The following RAB11FIP3 variants were observed in gnomAD, a reference collection of about 807,000 sequenced individuals.
RAB11FIP3 encodes the protein rab11 family-interacting protein 3.
A neutral mutation model predicts 77.8 loss-of-function variants in RAB11FIP3; 17 were observed. The ratio of observed to expected loss-of-function variants is 0.22; its 90% confidence interval spans 0.15 to 0.33. The LOEUF (loss-of-function observed/expected upper bound fraction) is 0.33. Ranked by LOEUF, RAB11FIP3 falls within the 10% of genes least tolerant of loss-of-function variation. The probability of loss-of-function intolerance (pLI) is 1.00; values close to 1 mark genes in which losing one functional copy is unlikely to be tolerated. For missense variants in RAB11FIP3, 1,005 were observed against 1,011.2 expected (o/e 0.99, Z 0.08); for synonymous variants, 437 against 448.2 (o/e 0.98, Z 0.31).
rs567049502 is a variant in RAB11FIP3, at chr16:436,465, C to T, written c.714+9745C>T. Among the ~76,000 whole-genome samples, 32 of 151,984 alleles carry T rather than the reference C, an allele frequency of 2.1e-4. 1 individual carries two copies. The Middle Eastern group carries it at 0.014, about 65-fold the overall frequency. On this transcript the variant is annotated intron_variant, in intron 1 of 13. Coordinates refer to ENST00000262305, the MANE Select transcript of RAB11FIP3 (RefSeq NM_014700.4). ...ATGCCCCCACACCCAGCCAATGTTT[C>T]ATTTATTTATTTATTTATTTGTTTA...
Position 520,929 on chromosome 16 carries a change from C to G in RAB11FIP3, c.*90C>G. The G allele has an allele frequency of 9.4e-7, 1 of 1,069,012 alleles. No homozygotes were observed. The highest frequency in any genetic ancestry group is 1.4e-6 in the Non-Finnish European group (1 of 694,814). 66.2% of individuals were successfully genotyped at this position (1,069,012 alleles called of 1,614,324 possible). On this transcript the variant is annotated 3_prime_UTR_variant, in exon 14 of 14. Transcript: ENST00000262305. The stretch of plus-strand genomic sequence containing the variant: ...CATGAGGAGCCAAGACCAGCAGGTC[C>G]CACAGCCGACAGTGCCCAGAGCATG...
chr16:499,740 G>T (rs1386350637), intron 6 of RAB11FIP3, among the ~76,000 whole-genome samples: 2 of 147,494 alleles, frequency 1.4e-5, no homozygotes, highest in Non-Finnish European at 3.0e-5. Context: ...AGAGGTTACA[G>T]TGAGCCCAGA....
intron 3 of RAB11FIP3, chr16:475,101 A>G: frequency 6.4e-7 from 1 of 1,551,226 alleles, no homozygotes. Flanking sequence ...ATCTGAGGGT[A>G]AGAGGAGGCA....
At chr16:501,257 C>T (rs1342656907) in intron 6 of RAB11FIP3, among the ~76,000 whole-genome samples, 7 of 152,386 alleles carry the variant, frequency 4.6e-5, no homozygotes, top group Admixed American at 4.6e-4. Flanking sequence ...TATGCATGAC[C>T]TTGGTTAAAC....
intron 1 of RAB11FIP3, among the ~76,000 whole-genome samples, chr16:428,730 G>T (rs2054991450): frequency 6.6e-6 from 1 of 152,126 alleles, no homozygotes; most frequent in African/African-American, 2.4e-5. Flanking sequence ...TCCCTATTGT[G>T]ATAATATCTT....
At chr16:432,093 A>G (rs1277012626) in intron 1 of RAB11FIP3, among the ~76,000 whole-genome samples, 1 of 152,096 alleles carries the variant, frequency 6.6e-6, no homozygotes, top group Non-Finnish European at 1.5e-5. Context: ...ATTGTTTTAA[A>G]AGAAACTGGC....
chr16:520,902 AC>A lies in RAB11FIP3; in HGVS notation c.*65del. The A allele has an allele frequency of 7.3e-7, 1 of 1,366,466 alleles. No individual in the cohort carries two copies. The highest frequency in any genetic ancestry group is 1.0e-6 in the Non-Finnish European group (1 of 957,568). 84.6% of individuals were successfully genotyped at this position (1,366,466 alleles called of 1,614,324 possible). On this transcript the variant is annotated 3_prime_UTR_variant, in exon 14 of 14. Transcript: ENST00000262305. ...CAACACCCTGGAGTGGTTCCGTCAG[AC>A]CATGAGGAGCCAAGACCAGCAGGTC...
intron 1 of RAB11FIP3, among the ~76,000 whole-genome samples, chr16:445,021 G>A (rs1231247172): frequency 6.7e-6 from 1 of 149,746 alleles, no homozygotes; most frequent in African/African-American, 2.5e-5. Context: ...GGCTGAGGCA[G>A]GAGAATGGCG....
chr16:434,312 G>A (rs541360395), intron 1 of RAB11FIP3, among the ~76,000 whole-genome samples: 21 of 152,250 alleles, frequency 1.4e-4, no homozygotes, highest in Non-Finnish European at 2.2e-4. Flanking sequence ...TAGTAGAGGC[G>A]GGGTTTCGCC....
chr16:429,293 T>C (rs2054998767), intron 1 of RAB11FIP3, among the ~76,000 whole-genome samples: 1 of 152,108 alleles, frequency 6.6e-6, no homozygotes, highest in Non-Finnish European at 1.5e-5. Flanking sequence ...TGCTTCAGTA[T>C]ATATTTCCAA....
At position 472,661 on chromosome 16, in the gene RAB11FIP3, T is replaced by G. The variant is rs1211785236; in HGVS notation, c.903+1272T>G. 6.6e-6 allele frequency among the ~76,000 whole-genome samples: 1 copy of G among 152,212 alleles called. No individual in the cohort carries two copies. The highest frequency in any genetic ancestry group is 1.9e-4 in the East Asian group (1 of 5,192). On this transcript the variant is annotated intron_variant, in intron 3 of 13. Transcript: ENST00000262305. The surrounding 1 kb of genome is among the most constrained non-coding windows in gnomAD (Gnocchi z 4.1). ...CGTTCATGTGCCTGTGCACTCTTTC[T>G]CACGTGTATCCGTCTTTTTGTTCCC...
chr16:492,384 C>T (rs890265242), intron 5 of RAB11FIP3, among the ~76,000 whole-genome samples: 5 of 144,570 alleles, frequency 3.5e-5, no homozygotes, highest in Admixed American at 2.1e-4. Flanking sequence ...CCGAGGCCGC[C>T]CAGAGCCCTC....
At chr16:519,476 A>G (rs1203171656) in intron 10 of RAB11FIP3, among the ~76,000 whole-genome samples, 1 of 152,202 alleles carries the variant, frequency 6.6e-6, no homozygotes, top group African/African-American at 2.4e-5. Flanking sequence ...GGAGGTGCCC[A>G]CAGCCACTGA....
chr16:471,454 A>T lies in RAB11FIP3; in HGVS notation c.903+65A>T, dbSNP rs1417385684. 2 of 1,333,722 alleles carry T rather than the reference A, an allele frequency of 1.5e-6. No individual in the cohort carries two copies. Among genetic ancestry groups the T allele is most frequent in the Non-Finnish European group, 2.1e-6 (2 of 946,334 alleles). The allele number at this position is 1,333,722 out of a possible 1,614,324, so 82.6% of individuals were successfully genotyped here. On this transcript the variant is annotated intron_variant, in intron 3 of 13. Transcript: ENST00000262305. This position sits in a 1 kb window ranked among gnomAD's most constrained non-coding sequence, Gnocchi z 4.4. Reference sequence around the variant, plus strand: ...ATCCACCTCTTCCTTTATGCCCTACAGCTCGTGCCTCCTGCCTCCGGGCTG... The same window carrying T: ...ATCCACCTCTTCCTTTATGCCCTACTGCTCGTGCCTCCTGCCTCCGGGCTG...
At chr16:496,758 C>CT (rs1448732243) in intron 5 of RAB11FIP3, 66 bp from the exon 6 acceptor site, 6 of 1,495,204 alleles carry the variant, frequency 4.0e-6, no homozygotes, top group Admixed American at 1.7e-5. Context: ...GCCTGAGTTT[C>CT]CTGCTTCCTC....
chr16:446,889 C>T (rs866445296), intron 1 of RAB11FIP3, among the ~76,000 whole-genome samples: 2 of 151,878 alleles, frequency 1.3e-5, no homozygotes, highest in African/African-American at 2.4e-5. Flanking sequence ...TTAGTAGATT[C>T]GGGGTTTCAC....
At position 505,619 on chromosome 16, in the gene RAB11FIP3, G is replaced by C. The variant is rs944170334; in HGVS notation, c.1491G>C (p.Leu497=). ...GCCTGAGGCAGGAGAACCTGCAGCTGGTGCACAGGTGAGCCTGGGCCAGGA... is the reference window on the plus strand; with the variant it reads ...GCCTGAGGCAGGAGAACCTGCAGCTCGTGCACAGGTGAGCCTGGGCCAGGA... ...HSRLRQENLQ[L]VHRANALEEQ... The change falls in exon 8 of 14, where the codon CTG becomes CTC. Residue 497 remains leucine, a synonymous_variant. Transcript: ENST00000262305. This position sits in a 1 kb window ranked among gnomAD's most constrained non-coding sequence, Gnocchi z 4.0. 1.9e-6 allele frequency: 3 copies of C among 1,595,970 alleles called. No individual in the cohort carries two copies. The highest frequency in any genetic ancestry group is 2.7e-5 in the African/African-American group (2 of 74,868).
At chr16:509,788 C>T (rs1202716579) in intron 8 of RAB11FIP3, among the ~76,000 whole-genome samples, 1 of 152,112 alleles carries the variant, frequency 6.6e-6, no homozygotes, top group East Asian at 1.9e-4. Context: ...GCCTCTGGGG[C>T]CCGGATGTGC....
intron 1 of RAB11FIP3, among the ~76,000 whole-genome samples, chr16:446,152 G>A (rs967098907): frequency 6.6e-6 from 1 of 152,128 alleles, no homozygotes; most frequent in Admixed American, 6.6e-5. Flanking sequence ...GCTGAAGTGG[G>A]AAGATTACTG....
Sources: gnomAD v4.1 joint callset for allele counts (sites outside exome capture counted in the v4.1 genomes callset) on GRCh38, gnomAD v4.1.1 for gene constraint, Gnocchi (gnomAD v3.1) non-coding constraint, MANE v1.5 for transcripts, NCBI Gene and HGNC (gene_info 2026-07-23, HGNC 2026-07-21) for gene names.